The following EXOC4 variants were observed in gnomAD, a reference collection of about 807,000 sequenced individuals.
EXOC4 encodes SEC8-like 1.
In EXOC4, 71 loss-of-function variants were observed where a neutral mutation model predicts 107.2. The ratio of observed to expected loss-of-function variants is 0.66; its 90% confidence interval spans 0.55 to 0.81. EXOC4 has a LOEUF of 0.81. Among genes scored for constraint, EXOC4 ranks in the 30% least tolerant of loss-of-function variants. The probability of loss-of-function intolerance (pLI) is 0.00; values close to 1 mark genes in which losing one functional copy is unlikely to be tolerated. For synonymous variants in EXOC4, 456 were observed against 441.2 expected, an observed-to-expected ratio of 1.03 and a Z score of -0.42; for missense variants, 1,108 against 1,189.6, an observed-to-expected ratio of 0.93 and a Z score of 1.01.
rs559530928 is a variant in EXOC4, at chr7:133,956,442, A to G, written c.2206+18373A>G. Among the ~76,000 whole-genome samples the G allele has an allele frequency of 5.3e-5, 8 of 152,316 alleles. No homozygotes were observed. In the South Asian group the frequency reaches 6.2e-4, roughly 12 times the overall value. ...ATGGCCAATGCTGGAGTGTACAGAA[A>G]CTTGGCCTTTCAGTTATCTGTACCT... On this transcript the variant is annotated intron_variant, in intron 14 of 17. Transcript: ENST00000253861.
At chr7:133,774,907 C>T (rs1325303613) in intron 10 of EXOC4, among the ~76,000 whole-genome samples, 1 of 151,986 alleles carries the variant, frequency 6.6e-6, no homozygotes, top group Admixed American at 6.6e-5. Flanking sequence ...CCGCCCCTCC[C>T]CCACCACTTT....
At chr7:133,681,101 A>G (rs1158932412) in intron 10 of EXOC4, among the ~76,000 whole-genome samples, 2 of 152,238 alleles carry the variant, frequency 1.3e-5, no homozygotes, top group Non-Finnish European at 2.9e-5. Context: ...TTTGACTTAA[A>G]AAAATCAATC....
chr7:133,661,673 AAAAAAAAAAAAAAAAC>A (rs1052143936), intron 10 of EXOC4, among the ~76,000 whole-genome samples: 118 of 20,576 alleles, frequency 5.7e-3, no homozygotes, highest in African/African-American at 0.019. Flanking sequence ...CCTTAAAACT[AAAAAAAAAAAAAAAAC>A]AAAAAAAAAA....
At chr7:133,921,662 A>G (rs1040672355) in intron 13 of EXOC4, among the ~76,000 whole-genome samples, 3 of 151,860 alleles carry the variant, frequency 2.0e-5, no homozygotes, top group African/African-American at 7.3e-5. Context: ...TAGGTGTAGA[A>G]TTTATGGTGT....
At chr7:133,254,940 A>G (rs1794980785) in intron 1 of EXOC4, among the ~76,000 whole-genome samples, 1 of 152,142 alleles carries the variant, frequency 6.6e-6, no homozygotes, top group African/African-American at 2.4e-5. Flanking sequence ...AACAGCATGA[A>G]AGCCAACCTA....
At chr7:133,579,407 T>C (rs1032022587) in intron 9 of EXOC4, among the ~76,000 whole-genome samples, 4 of 152,238 alleles carry the variant, frequency 2.6e-5, no homozygotes, top group Non-Finnish European at 5.9e-5. Context: ...TCTTTTGGTG[T>C]TGAAATACTC....
At chr7:133,729,418 C>A (rs1345751212) in intron 10 of EXOC4, among the ~76,000 whole-genome samples, 6 of 152,002 alleles carry the variant, frequency 3.9e-5, no homozygotes, top group Non-Finnish European at 7.4e-5. Context: ...CTCACATTGA[C>A]CTAATATACA....
At chr7:133,722,457 A>T (rs543495582) in intron 10 of EXOC4, among the ~76,000 whole-genome samples, 1 of 151,654 alleles carries the variant, frequency 6.6e-6, no homozygotes. Context: ...AGGAAGCAAT[A>T]TTTTTTTTTC....
At chr7:133,467,590 T>C in intron 7 of EXOC4, among the ~76,000 whole-genome samples, 1 of 151,520 alleles carries the variant, frequency 6.6e-6, no homozygotes, top group East Asian at 1.9e-4. Flanking sequence ...GATTCTTTTT[T>C]TTTTTTTTTT....
chr7:133,574,545 TTGTG>T (rs968723176), intron 9 of EXOC4, among the ~76,000 whole-genome samples: 6 of 152,338 alleles, frequency 3.9e-5, no homozygotes, highest in African/African-American at 1.4e-4. Context: ...TCAGCGTACT[TTGTG>T]TGTGTATAAG....
intron 7 of EXOC4, among the ~76,000 whole-genome samples, chr7:133,468,741 C>T (rs1308828895): frequency 6.6e-6 from 1 of 152,140 alleles, no homozygotes; most frequent in Admixed American, 6.5e-5. Flanking sequence ...GTTGTTTCTT[C>T]CAGGGATCAT....
chr7:133,932,196 G>A (rs1800193341), intron 13 of EXOC4, among the ~76,000 whole-genome samples: 1 of 152,162 alleles, frequency 6.6e-6, no homozygotes, highest in Non-Finnish European at 1.5e-5. Flanking sequence ...TGTAATTGGT[G>A]CATTAACTTC....
At chr7:133,574,256 C>T (rs1465247256) in intron 9 of EXOC4, among the ~76,000 whole-genome samples, 2 of 151,996 alleles carry the variant, frequency 1.3e-5, no homozygotes, top group African/African-American at 2.4e-5. Context: ...TAATCATATA[C>T]TCATGTATAA....
chr7:133,700,390 A>T (rs1032555734), intron 10 of EXOC4, among the ~76,000 whole-genome samples: 1 of 152,206 alleles, frequency 6.6e-6, no homozygotes, highest in African/African-American at 2.4e-5. Context: ...TCTTTATATC[A>T]AAGTCATCTC....
At chr7:133,731,099 C>T (rs143083340) in intron 10 of EXOC4, among the ~76,000 whole-genome samples, 1 of 152,046 alleles carries the variant, frequency 6.6e-6, no homozygotes, top group Admixed American at 6.6e-5. Context: ...AGATTTCACC[C>T]TAATTTATGT....
chr7:133,985,613 C>T (rs1482300169), intron 14 of EXOC4, among the ~76,000 whole-genome samples: 4 of 152,210 alleles, frequency 2.6e-5, no homozygotes, highest in African/African-American at 9.6e-5. Flanking sequence ...TCTCGTAAGA[C>T]TCTTAACCTT....
chr7:133,354,079 TA>T (rs1232456058), intron 5 of EXOC4, among the ~76,000 whole-genome samples: 1 of 151,850 alleles, frequency 6.6e-6, no homozygotes, highest in South Asian at 2.1e-4. Context: ...GTTAAAACTT[TA>T]AAAAAAACTT....
At chr7:133,881,422 T>C (rs1048615376) in intron 11 of EXOC4, among the ~76,000 whole-genome samples, 8 of 152,164 alleles carry the variant, frequency 5.3e-5, no homozygotes, top group Admixed American at 2.0e-4. Context: ...ATTATTTATC[T>C]TGCAGGACTC....
At chr7:133,876,720 G>GC (rs1170052618) in intron 11 of EXOC4, among the ~76,000 whole-genome samples, 2 of 152,070 alleles carry the variant, frequency 1.3e-5, no homozygotes, top group Non-Finnish European at 2.9e-5. Flanking sequence ...CAGGGAGGGG[G>GC]CACAGTATAG....
Sources: allele counts gnomAD v4.1 joint callset (sites outside exome capture counted in the v4.1 genomes callset), GRCh38; gene constraint gnomAD v4.1.1; transcripts MANE v1.5; gene names NCBI Gene and HGNC (gene_info 2026-07-23, HGNC 2026-07-21).